GLRA3: variants seen among roughly 807,000 people sequenced by gnomAD.
GLRA3 encodes glycine receptor alpha 3, also known as glycine receptor subunit alpha-3.
A neutral mutation model predicts 60.4 loss-of-function variants in GLRA3; 44 were observed. That is an observed-to-expected ratio of 0.73 (90% CI 0.57 to 0.94). The LOEUF (loss-of-function observed/expected upper bound fraction) is 0.94. Among genes scored for constraint, GLRA3 ranks in the 40% least tolerant of loss-of-function variants. The pLI is 0.00. For synonymous variants in GLRA3, 223 were observed against 192.9 expected (o/e 1.16, Z -1.29); for missense variants, 508 against 564.6 (o/e 0.90, Z 1.02).
At chr4:174,791,387 T>C (rs1359364209) in intron 1 of GLRA3, among the ~76,000 whole-genome samples, 1 of 152,150 alleles carries the variant, frequency 6.6e-6, no homozygotes, top group Non-Finnish European at 1.5e-5. Context: ...CCCAGTGAAC[T>C]GATTCCAGAC....
At chr4:174,710,324 G>T (rs2111079386) in intron 5 of GLRA3, among the ~76,000 whole-genome samples, 1 of 151,958 alleles carries the variant, frequency 6.6e-6, no homozygotes, top group East Asian at 1.9e-4. Context: ...ATTTTTAGTT[G>T]AACAAAAATT....
At chr4:174,700,058 A>G (rs1267969710) in intron 5 of GLRA3, among the ~76,000 whole-genome samples, 2 of 152,318 alleles carry the variant, frequency 1.3e-5, no homozygotes, top group African/African-American at 4.8e-5. Flanking sequence ...CAGAGTTTGT[A>G]TAGCCCAAGG....
intron 7 of GLRA3, among the ~76,000 whole-genome samples, chr4:174,673,712 C>T (rs940832390): frequency 2.6e-5 from 4 of 152,004 alleles, no homozygotes; most frequent in Non-Finnish European, 5.9e-5. Flanking sequence ...TAGTTTACAC[C>T]CTAAAGTCTG....
intron 1 of GLRA3, among the ~76,000 whole-genome samples, chr4:174,792,361 C>T (rs1317625162): frequency 2.0e-5 from 3 of 151,992 alleles, no homozygotes; most frequent in Admixed American, 2.0e-4. Flanking sequence ...CTTTTCTTCA[C>T]GTGTGTCTGT....
intron 4 of GLRA3, among the ~76,000 whole-genome samples, chr4:174,726,359 A>G (rs1736323194): frequency 6.6e-6 from 1 of 152,140 alleles, no homozygotes; most frequent in Non-Finnish European, 1.5e-5. Context: ...GTACCTCAAT[A>G]CCACCTGGTA....
intron 2 of GLRA3, among the ~76,000 whole-genome samples, chr4:174,773,673 C>G (rs1380301607): frequency 1.3e-5 from 2 of 150,570 alleles, no homozygotes; most frequent in Non-Finnish European, 3.0e-5. Flanking sequence ...ATTCACAAAG[C>G]ATATTTGATG....
Position 174,767,010 on chromosome 4 carries a change from A to G in GLRA3, c.220T>C (p.Cys74Arg). Residue 74 changes from cysteine to arginine, a missense_variant, in exon 3 of 10, where the codon TGC becomes CGC. Around this residue, in one of 3 missense-constraint regions of GLRA3, gnomAD observed 329 missense variants for 349.3 expected, o/e 0.94. Coordinates refer to ENST00000274093, the MANE Select transcript of GLRA3 (RefSeq NM_006529.4). ...CCAAAGCTGTTGATGAATATGTTGC[A>G]TGTGACATTAACTGGAGGGCCTGAA... The part of the protein sequence containing the change: ...NFKGPPVNVT[C>R]NIFINSFGSI... The G allele has an allele frequency of 6.2e-7, 1 of 1,600,432 alleles. No individual in the cohort carries two copies.
intron 6 of GLRA3, among the ~76,000 whole-genome samples, chr4:174,681,892 A>G (rs888188973): frequency 6.6e-6 from 1 of 152,172 alleles, no homozygotes; most frequent in African/African-American, 2.4e-5. Context: ...AATAAGTTAG[A>G]TATCAGCTTC....
At chr4:174,779,705 G>A (rs1349227404) in intron 2 of GLRA3, among the ~76,000 whole-genome samples, 1 of 152,140 alleles carries the variant, frequency 6.6e-6, no homozygotes, top group Admixed American at 6.5e-5. Context: ...CTGGAAGAAA[G>A]GGTATCAGAG....
intron 6 of GLRA3, among the ~76,000 whole-genome samples, chr4:174,681,843 T>A (rs750414682): frequency 1.4e-4 from 22 of 152,208 alleles, no homozygotes; most frequent in Non-Finnish European, 2.6e-4. Flanking sequence ...ACTTGCCTGC[T>A]CTTTATCTTT....
At chr4:174,666,264 A>G (rs1579411638) in intron 7 of GLRA3, among the ~76,000 whole-genome samples, 1 of 152,272 alleles carries the variant, frequency 6.6e-6, no homozygotes, top group African/African-American at 2.4e-5. Flanking sequence ...AAGATCCTCC[A>G]TATTTGCTAG....
rs538017516 is a variant in GLRA3, at chr4:174,645,601, G to A, written c.1117-1537C>T. On this transcript the variant is annotated intron_variant, in intron 9 of 9. Coordinates refer to ENST00000274093, the MANE Select transcript of GLRA3 (RefSeq NM_006529.4). ...TTATTTTGGGAATTATGAAAGTAAC[G>A]TGATTCCACCTGCAAAACAAAAGTA... 5.3e-5 allele frequency among the ~76,000 whole-genome samples: 8 copies of A among 152,098 alleles called. No homozygotes were observed. The South Asian group carries it at 6.2e-4, about 12-fold the overall frequency.
At chr4:174,773,986 T>TG (rs1738495251) in intron 2 of GLRA3, among the ~76,000 whole-genome samples, 1 of 151,276 alleles carries the variant, frequency 6.6e-6, no homozygotes, top group Non-Finnish European at 1.5e-5. Context: ...TAGGGAAGCC[T>TG]GTTGTTGGGT....
intron 4 of GLRA3, among the ~76,000 whole-genome samples, chr4:174,727,805 T>A (rs979557864): frequency 4.6e-5 from 7 of 152,180 alleles, no homozygotes; most frequent in Admixed American, 2.6e-4. Context: ...GGGTTTTTTT[T>A]AATGCTATAC....
intron 5 of GLRA3, among the ~76,000 whole-genome samples, chr4:174,686,519 C>T (rs1163255208): frequency 2.0e-5 from 3 of 152,196 alleles, no homozygotes; most frequent in Non-Finnish European, 4.4e-5. Flanking sequence ...GGCAACCAAA[C>T]GCTTGTTTTA....
chr4:174,684,098 G>T (rs909463106), intron 5 of GLRA3, among the ~76,000 whole-genome samples: 1 of 151,924 alleles, frequency 6.6e-6, no homozygotes, highest in Non-Finnish European at 1.5e-5. Flanking sequence ...ATTTTCTTTA[G>T]AATTTCTTGA....
At chr4:174,711,447 T>A (rs10213396) in intron 5 of GLRA3, among the ~76,000 whole-genome samples, 6,265 of 92,228 alleles carry the variant, frequency 0.068, 176 homozygotes, top group African/African-American at 0.13. Context: ...ATATATATAT[T>A]TTTTTTTTTT....
At chr4:174,737,679 A>T (rs7667790) in intron 3 of GLRA3, among the ~76,000 whole-genome samples, 61,578 of 151,714 alleles carry the variant, frequency 0.41, 13,081 homozygotes, top group African/African-American at 0.5. Context: ...GTCTGGAGAA[A>T]TTTTGTATTT....
intron 4 of GLRA3, among the ~76,000 whole-genome samples, chr4:174,724,005 T>A (rs1186928122): frequency 6.6e-6 from 1 of 151,602 alleles, no homozygotes; most frequent in Non-Finnish European, 1.5e-5. Context: ...TCTATAGACA[T>A]ATATATGTAT....
Sources: allele counts gnomAD v4.1 joint callset (sites outside exome capture counted in the v4.1 genomes callset), GRCh38; gene constraint gnomAD v4.1.1; regional missense constraint gnomAD v4.1.1; transcripts MANE v1.5; gene names NCBI Gene and HGNC (gene_info 2026-07-23, HGNC 2026-07-21).